The following INSR variants were observed in gnomAD, a reference collection of about 807,000 sequenced individuals.
The protein encoded by INSR is insulin receptor, also known as IR.
In INSR, 67 loss-of-function variants were observed where a neutral mutation model predicts 142.6. The ratio of observed to expected loss-of-function variants is 0.47; its 90% CI spans 0.39 to 0.58. The LOEUF (loss-of-function observed/expected upper bound fraction) is 0.58, where lower values mean the gene tolerates loss of function less well. Ranked by LOEUF, INSR falls within the 20% of genes least tolerant of loss-of-function variation. The pLI, the probability that INSR is intolerant of heterozygous loss-of-function variation, is 0.00. For missense variants in INSR, 1,248 were observed against 1,833.2 expected, an observed-to-expected ratio of 0.68 and a Z score of 5.83; for synonymous variants, 756 against 743.1, an observed-to-expected ratio of 1.02 and a Z score of -0.28.
chr19:7,282,021 AC>A (rs1968214731), intron 1 of INSR, among the ~76,000 whole-genome samples: 1 of 152,182 alleles, frequency 6.6e-6, no homozygotes, highest in South Asian at 2.1e-4. Context: ...TGTACGTGGC[AC>A]CGCAGGATAG....
chr19:7,255,041 C>T (rs768560070), intron 2 of INSR, among the ~76,000 whole-genome samples: 11 of 151,934 alleles, frequency 7.2e-5, no homozygotes, highest in African/African-American at 2.7e-4. Context: ...CGCACCCACC[C>T]GCTCCAGGAA....
chr19:7,206,332 T>G (rs924890688), intron 2 of INSR, among the ~76,000 whole-genome samples: 4 of 152,076 alleles, frequency 2.6e-5, no homozygotes, highest in African/African-American at 9.7e-5. Flanking sequence ...TGATCCACAC[T>G]CAGCTAATTT....
rs60270848 is a variant in INSR at position 7,259,328 on chromosome 19, ATG to A, written c.652+8015_652+8016del. On this transcript the variant is annotated intron_variant, in intron 2 of 21. Coordinates refer to ENST00000302850, the MANE Select transcript of INSR (RefSeq NM_000208.4). ...ATCCCATCTCCACTACTTACTACCC[ATG>A]TGTGTGGGGTGCGCGGCGGAAGGGG... is the stretch of plus-strand genomic sequence containing the variant. Among the ~76,000 whole-genome samples, 1,390 of 151,654 alleles carry A rather than the reference ATG, an allele frequency of 9.2e-3. 18 individuals are homozygous for A. Among genetic ancestry groups the A allele is most frequent in the African/African-American group, 0.031 (1,297 of 41,336 alleles).
At position 7,225,748 on chromosome 19, in the gene INSR, C is replaced by G. The variant is rs1568202063; in HGVS notation, c.653-41111G>C. Among the ~76,000 whole-genome samples the G allele has an allele frequency of 6.6e-6, 1 of 152,110 alleles. No individual in the cohort carries two copies. The highest frequency in any genetic ancestry group is 1.5e-5 in the Non-Finnish European group (1 of 68,026). The stretch of plus-strand genomic sequence containing the variant: ...AGAATAATTGCAGAGTGCCCCTCAC[C>G]CCCATTCCAGCACCCTGGTCCAGGG... On this transcript the variant is annotated intron_variant, in intron 2 of 21. Transcript: ENST00000302850. This position sits in a 1 kb window ranked among gnomAD's most constrained non-coding sequence, Gnocchi z 4.7.
At position 7,159,694 on chromosome 19, in the gene INSR, C is replaced by A. The variant is rs913459336; in HGVS notation, c.2029+3338G>T. On this transcript the variant is annotated intron_variant, in intron 9 of 21. Coordinates refer to ENST00000302850, the MANE Select transcript of INSR (RefSeq NM_000208.4). This position sits in a 1 kb window ranked among gnomAD's most constrained non-coding sequence, Gnocchi z 4.3. ...GCAGATAAATCACGTTTGCAACCCT[C>A]GGCTCAGGCGGGGATGATGTCACAC... is the stretch of plus-strand genomic sequence containing the variant. 2.0e-5 allele frequency: 3 copies of A among 152,156 alleles called. No homozygotes were observed. The highest frequency in any genetic ancestry group is 7.2e-5 in the African/African-American group (3 of 41,416). 9.4% of individuals were successfully genotyped at this position (152,156 alleles called of 1,614,324 possible).
chr19:7,222,364 C>A (rs1000050380), intron 2 of INSR, among the ~76,000 whole-genome samples: 1 of 151,858 alleles, frequency 6.6e-6, no homozygotes, highest in Non-Finnish European at 1.5e-5. Context: ...GACATGTGTC[C>A]CGTACACCCA....
intron 1 of INSR, among the ~76,000 whole-genome samples, chr19:7,291,893 C>T (rs558496157): frequency 1.5e-4 from 23 of 151,968 alleles, no homozygotes; most frequent in Admixed American, 6.6e-4. Flanking sequence ...CCCGGGTTTA[C>T]GCCATTCTCC....
chr19:7,213,611 T>C (rs564244068), intron 2 of INSR, among the ~76,000 whole-genome samples: 1 of 152,298 alleles, frequency 6.6e-6, no homozygotes, highest in South Asian at 2.1e-4. Context: ...GCGCCTCTAA[T>C]TGTCTACAAA....
At chr19:7,136,590 C>T (rs1441804595) in intron 13 of INSR, among the ~76,000 whole-genome samples, 1 of 151,940 alleles carries the variant, frequency 6.6e-6, no homozygotes, top group African/African-American at 2.4e-5. Context: ...ATTCCCATCA[C>T]GAATCCCCAA....
In INSR at chr19:7,262,467, C is replaced by T. The variant is rs574453209; in HGVS notation, c.652+4878G>A. Reference sequence around the variant, plus strand: ...AGCCTGGGCGACGAGAGCAAAACTCCGTCTCAAAAAATAAATAAATAAATA... The same window carrying T: ...AGCCTGGGCGACGAGAGCAAAACTCTGTCTCAAAAAATAAATAAATAAATA... On this transcript the variant is annotated intron_variant, in intron 2 of 21. Coordinates refer to ENST00000302850, the MANE Select transcript of INSR (RefSeq NM_000208.4). Among the ~76,000 whole-genome samples the T allele has an allele frequency of 6.6e-5, 10 of 152,108 alleles. No individual in the cohort carries two copies. In the East Asian group the frequency reaches 1.5e-3, roughly 24 times the overall value.
At chr19:7,190,370 T>C (rs78682849) in intron 2 of INSR, among the ~76,000 whole-genome samples, 5 of 18,162 alleles carry the variant, frequency 2.8e-4, no homozygotes, top group African/African-American at 1.2e-3. Context: ...TCTTTGGTGG[T>C]TTTTTTTTTT....
chr19:7,282,354 G>A (rs910373406), intron 1 of INSR, among the ~76,000 whole-genome samples: 2 of 150,824 alleles, frequency 1.3e-5, no homozygotes, highest in Non-Finnish European at 2.9e-5. Context: ...AACAGAGTGC[G>A]ACTCCATCTC....
In INSR at chr19:7,197,516, G is replaced by GGGTGTGTGTGTGTGTGT. The variant is rs1974790392; in HGVS notation, c.653-12880_653-12879insACACACACACACACACC. Among the ~76,000 whole-genome samples, 11 of 70,856 alleles carry GGGTGTGTGTGTGTGTGT rather than the reference G, an allele frequency of 1.6e-4. 2 individuals are homozygous for GGGTGTGTGTGTGTGTGT. Among genetic ancestry groups the GGGTGTGTGTGTGTGTGT allele is most frequent in the Admixed American group, 1.5e-4 (1 of 6,814 alleles). The allele number at this position is 70,856 out of a possible 152,430, so 46.5% of individuals were successfully genotyped here. ...TGGCAGGTTCCAGAGTGGGAGTGGG[G>GGGTGTGTGTGTGTGTGT]GTGTGTGTGTGTGTGTGTGTGTGTG... On this transcript the variant is annotated intron_variant, in intron 2 of 21. Coordinates refer to ENST00000302850, the MANE Select transcript of INSR (RefSeq NM_000208.4).
At chr19:7,213,341 CAAA>C (rs11343255) in intron 2 of INSR, among the ~76,000 whole-genome samples, 9 of 100,622 alleles carry the variant, frequency 8.9e-5, no homozygotes, top group African/African-American at 1.8e-4. Flanking sequence ...GACTCCATCT[CAAA>C]AAAAAAAAAA....
In INSR at chr19:7,278,139, C is replaced by A. The variant is rs1330851995; in HGVS notation, c.101-10243G>T. Among the ~76,000 whole-genome samples the A allele has an allele frequency of 3.3e-5, 5 of 151,702 alleles. No individual in the cohort carries two copies. The East Asian group carries it at 7.7e-4, about 23-fold the overall frequency. The stretch of plus-strand genomic sequence containing the variant: ...TAAAAAATAAAAAATAAAACAACAA[C>A]AAAAAGAAATGAGAACAGAAGAATG... On this transcript the variant is annotated intron_variant, in intron 1 of 21. Transcript: ENST00000302850.
intron 9 of INSR, among the ~76,000 whole-genome samples, chr19:7,158,806 A>C (rs1455218954): frequency 6.6e-6 from 1 of 152,188 alleles, no homozygotes; most frequent in Non-Finnish European, 1.5e-5. Flanking sequence ...AGTGATATTA[A>C]CAGGAAGGGT....
At chr19:7,253,067 A>T (rs542498812) in intron 2 of INSR, among the ~76,000 whole-genome samples, 137 of 149,778 alleles carry the variant, frequency 9.1e-4, no homozygotes, top group Middle Eastern at 3.5e-3. Flanking sequence ...GCGAGCCAAG[A>T]TCGTGCCACA....
chr19:7,174,457 GAAC>G, intron 4 of INSR, 123 bp downstream of exon 4: 1 of 1,063,602 alleles, frequency 9.4e-7, no homozygotes. Flanking sequence ...GGGAGCCACT[GAAC>G]GACCATCCTA....
At chr19:7,293,503 G>C (rs965133347) in intron 1 of INSR, among the ~76,000 whole-genome samples, 5 of 152,228 alleles carry the variant, frequency 3.3e-5, no homozygotes, top group South Asian at 2.1e-4. Flanking sequence ...GCCGGGGCAC[G>C]GGTCGGAGGC....
Sources: gnomAD v4.1 joint callset for allele counts (sites outside exome capture counted in the v4.1 genomes callset) on GRCh38, gnomAD v4.1.1 for gene constraint, Gnocchi (gnomAD v3.1) non-coding constraint, MANE v1.5 for transcripts, NCBI Gene and HGNC (gene_info 2026-07-23, HGNC 2026-07-21) for gene names.